Variants in NRXN1 observed in about 807,000 individuals in gnomAD.
NRXN1 encodes the protein neurexin-1.
In NRXN1, 39 loss-of-function variants were observed where a neutral mutation model predicts 150.9. The ratio of observed to expected loss-of-function variants is 0.26; its 90% CI spans 0.20 to 0.34. The LOEUF (loss-of-function observed/expected upper bound fraction) is 0.34, where lower values mean the gene tolerates loss of function less well. NRXN1 is among the 10% of genes least tolerant of loss of function. NRXN1 has a pLI of 1.00. For missense variants in NRXN1, 1,815 were observed against 1,949.9 expected, an observed-to-expected ratio of 0.93 and a Z score of 1.30; for synonymous variants, 924 against 757.0, an observed-to-expected ratio of 1.22 and a Z score of -3.62.
chr2:50,354,550 CATACATATATAT>C (rs964654296), intron 17 of NRXN1, among the ~76,000 whole-genome samples: 1 of 66,280 alleles, frequency 1.5e-5, no homozygotes, highest in Non-Finnish European at 2.5e-5. Flanking sequence ...GTCTAGAGTG[CATACATATATAT>C]ATATATATAT....
chr2:50,001,233 C>A (rs566172034), intron 21 of NRXN1, among the ~76,000 whole-genome samples: 1 of 152,038 alleles, frequency 6.6e-6, no homozygotes, highest in South Asian at 2.1e-4. Flanking sequence ...CTTTATCTCA[C>A]AGAGAGGTTA....
intron 5 of NRXN1, among the ~76,000 whole-genome samples, chr2:50,700,548 C>T (rs751578057): frequency 6.6e-6 from 1 of 152,118 alleles, no homozygotes; most frequent in Admixed American, 6.5e-5. Flanking sequence ...GTTGCTGTGA[C>T]CTTATTGTAT....
At chr2:50,096,849 G>A (rs1017538565) in intron 18 of NRXN1, among the ~76,000 whole-genome samples, 2 of 152,186 alleles carry the variant, frequency 1.3e-5, no homozygotes, top group Non-Finnish European at 2.9e-5. Context: ...TGGCACCATA[G>A]TTTAATGCAC....
intron 5 of NRXN1, among the ~76,000 whole-genome samples, chr2:50,666,529 T>C (rs1197352537): frequency 3.9e-5 from 6 of 151,958 alleles, no homozygotes; most frequent in Non-Finnish European, 7.4e-5. Context: ...AAAGAAGTTG[T>C]ACCATTTCAC....
chr2:50,639,004 C>T (rs1207076940), intron 5 of NRXN1, among the ~76,000 whole-genome samples: 1 of 151,920 alleles, frequency 6.6e-6, no homozygotes, highest in African/African-American at 2.4e-5. Flanking sequence ...CATAATCCAC[C>T]AATGGTTCAC....
At chr2:50,454,439 G>A (rs370587220) in intron 17 of NRXN1, among the ~76,000 whole-genome samples, 1 of 152,092 alleles carries the variant, frequency 6.6e-6, no homozygotes, top group African/African-American at 2.4e-5. Flanking sequence ...CATCTCCCAT[G>A]ATATGTATAC....
At chr2:49,943,123 ACATAT>A (rs370993741) in intron 22 of NRXN1, among the ~76,000 whole-genome samples, 17 of 152,304 alleles carry the variant, frequency 1.1e-4, no homozygotes, top group African/African-American at 4.1e-4. Flanking sequence ...GAAGATGCAA[ACATAT>A]CATAAAGAAG....
chr2:51,017,498 T>G (rs1668879174), intron 2 of NRXN1, among the ~76,000 whole-genome samples: 1 of 112,358 alleles, frequency 8.9e-6, no homozygotes, highest in Non-Finnish European at 1.7e-5. Flanking sequence ...GGCCACCACA[T>G]CTGGCTTTTT....
intron 15 of NRXN1, among the ~76,000 whole-genome samples, chr2:50,491,809 T>C (rs574515536): frequency 3.0e-4 from 45 of 152,226 alleles, no homozygotes; most frequent in Non-Finnish European, 5.4e-4. Context: ...ATATCCTCAA[T>C]TTGCTGAAGG....
chr2:50,537,688 T>C (rs2093295298), intron 10 of NRXN1, among the ~76,000 whole-genome samples: 3 of 152,168 alleles, frequency 2.0e-5, no homozygotes, highest in Admixed American at 1.3e-4. Flanking sequence ...CTTTTTCTAT[T>C]AGGGTACACT....
intron 21 of NRXN1, among the ~76,000 whole-genome samples, chr2:50,040,327 T>C (rs1183034669): frequency 6.6e-6 from 1 of 150,912 alleles, no homozygotes; most frequent in Non-Finnish European, 1.5e-5. Context: ...AATTTATATA[T>C]AATTTACATA....
intron 21 of NRXN1, chr2:49,973,114 G>A (rs1228220359): frequency 6.6e-6 from 1 of 152,130 alleles, no homozygotes; most frequent in Non-Finnish European, 1.5e-5. Flanking sequence ...ACATGAACAT[G>A]CACATGGTCT....
intron 17 of NRXN1, among the ~76,000 whole-genome samples, chr2:50,254,952 G>A (rs529268329): frequency 2.6e-4 from 39 of 152,040 alleles, no homozygotes; most frequent in African/African-American, 9.2e-4. Context: ...GTCTACAGGC[G>A]CACACTACCA....
chr2:50,131,402 A>G (rs1053643973), intron 18 of NRXN1, among the ~76,000 whole-genome samples: 3 of 152,196 alleles, frequency 2.0e-5, no homozygotes, highest in Non-Finnish European at 2.9e-5. Flanking sequence ...TCTTCAAGAT[A>G]TCACTAAGCT....
chr2:50,449,476 T>C (rs1558751419), intron 17 of NRXN1, among the ~76,000 whole-genome samples: 1 of 152,192 alleles, frequency 6.6e-6, no homozygotes, highest in Non-Finnish European at 1.5e-5. Context: ...CTTCTTACAC[T>C]TCCATGTGCA....
At chr2:50,014,240 G>A (rs919634114) in intron 21 of NRXN1, among the ~76,000 whole-genome samples, 1 of 151,902 alleles carries the variant, frequency 6.6e-6, no homozygotes, top group Non-Finnish European at 1.5e-5. Flanking sequence ...GTAACCATTC[G>A]AAAATGCTAT....
chr2:50,962,958 C>A (rs1372626164), intron 2 of NRXN1, among the ~76,000 whole-genome samples: 1 of 151,470 alleles, frequency 6.6e-6, no homozygotes. Flanking sequence ...ATGGCTTAGT[C>A]CTGTTGTCTA....
At chr2:50,736,424 T>C (rs757561163) in intron 5 of NRXN1, among the ~76,000 whole-genome samples, 14 of 145,618 alleles carry the variant, frequency 9.6e-5, no homozygotes, top group Non-Finnish European at 1.9e-4. Flanking sequence ...AACGCCCTAG[T>C]GAGTGTCTTT....
chr2:51,008,303 A>G (rs1047792871), intron 2 of NRXN1, among the ~76,000 whole-genome samples: 1 of 151,910 alleles, frequency 6.6e-6, no homozygotes, highest in Non-Finnish European at 1.5e-5. Context: ...CTTTGTGTAT[A>G]TGACTCCATA....
Sources: gnomAD v4.1 joint callset for allele counts (sites outside exome capture counted in the v4.1 genomes callset) on GRCh38, gnomAD v4.1.1 for gene constraint, MANE v1.5 for transcripts, NCBI Gene and HGNC (gene_info 2026-07-23, HGNC 2026-07-21) for gene names.